The following CSMD1 variants were observed in gnomAD, a reference collection of about 807,000 sequenced individuals.
CSMD1 encodes the protein CUB and sushi domain-containing protein 1.
CSMD1 carries 213 observed loss-of-function variants against 417.5 expected under a neutral mutation model. That is an observed-to-expected ratio of 0.51 (90% confidence interval 0.46 to 0.57). The LOEUF (loss-of-function observed/expected upper bound fraction) is 0.57. CSMD1 is among the 20% of genes least tolerant of loss of function. CSMD1 has a pLI of 0.00. For synonymous variants in CSMD1, 2,862 were observed against 1,736.8 expected, an observed-to-expected ratio of 1.65 and a Z score of -16.11; for missense variants, 6,923 against 4,529.7, an observed-to-expected ratio of 1.53 and a Z score of -15.17.
At chr8:4,326,680 C>G (rs1173514799) in intron 3 of CSMD1, among the ~76,000 whole-genome samples, 2 of 152,072 alleles carry the variant, frequency 1.3e-5, no homozygotes, top group Admixed American at 1.3e-4. Context: ...AGGAAAAGGT[C>G]TGGACTCAAG....
At chr8:3,708,112 G>A (rs567248171) in intron 7 of CSMD1, among the ~76,000 whole-genome samples, 9 of 152,152 alleles carry the variant, frequency 5.9e-5, no homozygotes, top group Non-Finnish European at 1.3e-4. Context: ...GACGGAGAGA[G>A]ACTGGTATGA....
At chr8:3,057,438 G>A (rs1812308374) in intron 49 of CSMD1, among the ~76,000 whole-genome samples, 1 of 152,054 alleles carries the variant, frequency 6.6e-6, no homozygotes, top group African/African-American at 2.4e-5. Context: ...AACTATATGT[G>A]TATTTGCAGG....
At chr8:3,056,856 A>T (rs1812264480) in intron 49 of CSMD1, among the ~76,000 whole-genome samples, 1 of 151,966 alleles carries the variant, frequency 6.6e-6, no homozygotes, top group Non-Finnish European at 1.5e-5. Flanking sequence ...TAGAAGTATA[A>T]ATATATGTAC....
Position 3,274,169 on chromosome 8 carries a change from C to T in CSMD1, c.4153+9975G>A, listed in dbSNP as rs552374574. 1.2e-3 allele frequency among the ~76,000 whole-genome samples: 179 copies of T among 151,570 alleles called. 2 individuals carry two copies. The South Asian group carries it at 0.013, about 11-fold the overall frequency. On this transcript the variant is annotated intron_variant, in intron 26 of 69. Transcript: ENST00000635120. ...TTTCAAAGAACATCTTTATTTCTGC[C>T]TTCATTTCGTTATGTACCCAGTAGT...
At chr8:4,383,724 A>C (rs1295535158) in intron 3 of CSMD1, among the ~76,000 whole-genome samples, 1 of 151,950 alleles carries the variant, frequency 6.6e-6, no homozygotes, top group African/African-American at 2.4e-5. Context: ...GTCCCATGAG[A>C]AATTCCACAT....
intron 1 of CSMD1, among the ~76,000 whole-genome samples, chr8:4,667,155 G>A (rs981333044): frequency 2.0e-5 from 3 of 151,686 alleles, no homozygotes; most frequent in Non-Finnish European, 4.4e-5. Context: ...AATATTGTTC[G>A]GCCACATATA....
intron 3 of CSMD1, among the ~76,000 whole-genome samples, chr8:4,351,247 C>A (rs1253716553): frequency 1.3e-5 from 2 of 152,108 alleles, no homozygotes; most frequent in Non-Finnish European, 2.9e-5. Flanking sequence ...CATCTACATC[C>A]TGTCTTTCTA....
intron 32 of CSMD1, among the ~76,000 whole-genome samples, chr8:3,200,629 G>A (rs1796944607): frequency 6.6e-6 from 1 of 151,682 alleles, no homozygotes; most frequent in Admixed American, 6.6e-5. Flanking sequence ...AAATGTGGAA[G>A]AGTCTGTGTC....
intron 1 of CSMD1, among the ~76,000 whole-genome samples, chr8:4,774,125 A>AGGAGGT (rs1726085286): frequency 6.6e-6 from 1 of 152,214 alleles, no homozygotes; most frequent in Non-Finnish European, 1.5e-5. Context: ...ACTTGAACCC[A>AGGAGGT]GGAGGTGGAG....
intron 3 of CSMD1, among the ~76,000 whole-genome samples, chr8:4,172,771 C>G (rs1024202609): frequency 7.2e-5 from 11 of 152,170 alleles, no homozygotes; most frequent in South Asian, 2.1e-4. Context: ...TTCTTGGATC[C>G]CTTACCCACA....
chr8:4,381,370 G>A lies in CSMD1; in HGVS notation c.415+38583C>T, dbSNP rs564088975. 3.5e-3 allele frequency among the ~76,000 whole-genome samples: 537 copies of A among 152,216 alleles called. 3 individuals carry two copies. Among genetic ancestry groups the A allele is most frequent in the Non-Finnish European group, 5.7e-3 (388 of 68,012 alleles). On this transcript the variant is annotated intron_variant, in intron 3 of 69. Transcript: ENST00000635120. ...AGGCATCTGGTGACCCTATGACCCTGTGGCTGTAAGAGTAAGCAGGGGTGG... is the reference window on the plus strand; with the variant it reads ...AGGCATCTGGTGACCCTATGACCCTATGGCTGTAAGAGTAAGCAGGGGTGG...
At chr8:3,145,656 A>C (rs1818798306) in intron 40 of CSMD1, among the ~76,000 whole-genome samples, 1 of 152,224 alleles carries the variant, frequency 6.6e-6, no homozygotes, top group Non-Finnish European at 1.5e-5. Context: ...TCTGGCTTAA[A>C]ATAGAATTAT....
At chr8:4,038,565 T>C (rs1000459891) in intron 3 of CSMD1, among the ~76,000 whole-genome samples, 2 of 152,254 alleles carry the variant, frequency 1.3e-5, no homozygotes, top group Non-Finnish European at 2.9e-5. Flanking sequence ...AGATTATGCA[T>C]GTCTCTTTGT....
At chr8:2,951,310 C>A (rs2128919605) in intron 65 of CSMD1, 35 bp from the exon 66 acceptor site, 3 of 1,562,850 alleles carry the variant, frequency 1.9e-6, no homozygotes, top group Non-Finnish European at 2.6e-6. Context: ...AATGTCAGCA[C>A]ACACACAAAC....
intron 1 of CSMD1, among the ~76,000 whole-genome samples, chr8:4,863,037 G>C (rs1431232181): frequency 6.6e-6 from 1 of 152,014 alleles, no homozygotes; most frequent in Non-Finnish European, 1.5e-5. Flanking sequence ...GCGACCCTTG[G>C]GCTTGACAAT....
intron 3 of CSMD1, among the ~76,000 whole-genome samples, chr8:4,200,829 G>A (rs189268448): frequency 8.5e-5 from 13 of 152,128 alleles, no homozygotes; most frequent in Admixed American, 1.3e-4. Context: ...CTGCACTCTC[G>A]CCTGAGTGAC....
At chr8:4,174,052 C>A (rs1029341226) in intron 3 of CSMD1, among the ~76,000 whole-genome samples, 4 of 152,244 alleles carry the variant, frequency 2.6e-5, no homozygotes, top group Admixed American at 2.6e-4. Context: ...TTGGTTTAGG[C>A]CTGGGCCACC....
intron 1 of CSMD1, among the ~76,000 whole-genome samples, chr8:4,837,460 G>C (rs1800564529): frequency 6.6e-6 from 1 of 152,156 alleles, no homozygotes; most frequent in Non-Finnish European, 1.5e-5. Flanking sequence ...TGCAACTGGA[G>C]ATCATTGTGT....
chr8:4,059,402 C>G (rs1234929113), intron 3 of CSMD1, among the ~76,000 whole-genome samples: 2 of 151,724 alleles, frequency 1.3e-5, no homozygotes, highest in East Asian at 1.9e-4. Flanking sequence ...CAAGAGCAAA[C>G]ACATTCAAAA....
Sources: gnomAD v4.1 joint callset for allele counts (sites outside exome capture counted in the v4.1 genomes callset) on GRCh38, gnomAD v4.1.1 for gene constraint, MANE v1.5 for transcripts, NCBI Gene and HGNC (gene_info 2026-07-23, HGNC 2026-07-21) for gene names.